Variants in EP300 observed in about 807,000 individuals in gnomAD.
EP300 encodes histone acetyltransferase p300.
A neutral mutation model predicts 264.0 loss-of-function variants in EP300; 31 were observed. The observed-to-expected ratio is 0.12, with a 90% CI of 0.09 to 0.16. EP300 has a LOEUF of 0.16. Among genes scored for constraint, EP300 ranks in the 10% least tolerant of loss-of-function variants. EP300 has a pLI of 1.00. For missense variants in EP300, 2,766 were observed against 3,052.9 expected, an observed-to-expected ratio of 0.91 and a Z score of 2.21; for synonymous variants, 1,340 against 1,045.4, an observed-to-expected ratio of 1.28 and a Z score of -5.44.
At chr22:41,174,416 AT>A (rs1306158891) in intron 29 of EP300, among the ~76,000 whole-genome samples, 1 of 152,236 alleles carries the variant, frequency 6.6e-6, no homozygotes, top group Non-Finnish European at 1.5e-5. Flanking sequence ...GTTTCAAAAA[AT>A]AAAAAGATTT....
intron 28 of EP300, 64 bp downstream of exon 28, chr22:41,172,727 C>T: frequency 1.3e-6 from 2 of 1,530,050 alleles, no homozygotes; most frequent in Non-Finnish European, 1.8e-6. Context: ...CAGAAGTGCA[C>T]TTAAACTTTC....
chr22:41,176,495 T>C lies in EP300; in HGVS notation c.5028T>C (p.His1676=), dbSNP rs747152661. 61 of 1,613,910 alleles carry C rather than the reference T, an allele frequency of 3.8e-5. No homozygotes were observed. The highest frequency in any genetic ancestry group is 3.3e-5 in the Admixed American group (2 of 60,000). The change falls in exon 30 of 31, where the codon CAT becomes CAC. Residue 1676 remains histidine, a synonymous_variant. Coordinates refer to ENST00000263253, the MANE Select transcript of EP300 (RefSeq NM_001429.4). The part of the protein sequence containing the change: ...FVYTCNECKH[H]VETRWHCTVC... ...ACACCTGCAATGAATGCAAGCACCA[T>C]GTGGAGACACGCTGGCACTGTACTG...
At chr22:41,106,005 C>G (rs563816556) in intron 1 of EP300, among the ~76,000 whole-genome samples, 5 of 152,204 alleles carry the variant, frequency 3.3e-5, no homozygotes, top group Admixed American at 3.3e-4. Flanking sequence ...TCTTAATGTT[C>G]CTTCAAATTA....
chr22:41,111,353 GTATAACCAGTCATCTT>G (rs1460551779), intron 1 of EP300, among the ~76,000 whole-genome samples: 1 of 152,076 alleles, frequency 6.6e-6, no homozygotes, highest in African/African-American at 2.4e-5. Context: ...TATATTTATG[GTATAACCAGTCATCTT>G]GCTAACCTCT....
rs2059215665 is a variant in EP300, at chr22:41,178,329, C to A, written c.6618C>A (p.Ala2206=). ...GAGPGIGPGM[A]NHNQFQQPQG... is the part of the protein sequence containing the mutation. ...GGCCAGGAATAGGCCCTGGAATGGC[C>A]AACCATAACCAGTTCCAGCAACCCC... The change falls in exon 31 of 31, where the codon GCC becomes GCA. Residue 2206 remains alanine (A), a synonymous_variant. Coordinates refer to ENST00000263253, the MANE Select transcript of EP300 (RefSeq NM_001429.4). The A allele has an allele frequency of 6.2e-6, 10 of 1,614,016 alleles. No individual in the cohort carries two copies. In the African/African-American group the frequency reaches 1.3e-4, roughly 22 times the overall value.
intron 28 of EP300, 134 bp from the exon 29 acceptor site, chr22:41,173,489 A>G: frequency 1.0e-6 from 1 of 955,158 alleles, no homozygotes; most frequent in Non-Finnish European, 1.6e-6. Flanking sequence ...GAATAAGTGA[A>G]GAGAACAGCT....
intron 27 of EP300, 138 bp downstream of exon 27, chr22:41,170,709 T>C: frequency 1.1e-6 from 1 of 939,436 alleles, no homozygotes; most frequent in Admixed American, 2.6e-5. Flanking sequence ...TCACGCAGGC[T>C]GGAGTGCAGT....
At position 41,117,740 on chromosome 22, in the gene EP300, C is replaced by T. The variant is rs1009703386; in HGVS notation, c.648C>T (p.Gly216=). ...QYPNPGMGSA[G]NLLTEPLQQG... ...CAAACCCAGGCATGGGAAGTGCTGG[C>T]AACTTACTGACTGAGCCTCTTCAGC... Residue 216 remains glycine (G), a synonymous_variant, in exon 2 of 31, where the codon GGC becomes GGT. Transcript: ENST00000263253. 1.7e-5 allele frequency: 28 copies of T among 1,614,214 alleles called. No individual in the cohort carries two copies. Among genetic ancestry groups the T allele is most frequent in the Non-Finnish European group, 2.3e-5 (27 of 1,180,032 alleles).
At chr22:41,170,295 T>C (rs2059162141) in intron 26 of EP300, 111 bp from the exon 27 acceptor site, 1 of 1,042,472 alleles carries the variant, frequency 9.6e-7, no homozygotes, top group Non-Finnish European at 1.4e-6. Flanking sequence ...CACTGTGTTA[T>C]CTTGGGAAAA....
chr22:41,098,895 A>G (rs1209715306), intron 1 of EP300, among the ~76,000 whole-genome samples: 1 of 151,988 alleles, frequency 6.6e-6, no homozygotes, highest in Non-Finnish European at 1.5e-5. Context: ...ATAGGAATCC[A>G]CCTTACTTAC....
chr22:41,110,117 G>GGCCCCC (rs1332250880), intron 1 of EP300, among the ~76,000 whole-genome samples: 1 of 65,514 alleles, frequency 1.5e-5, no homozygotes, highest in Non-Finnish European at 2.8e-5. Flanking sequence ...CCTGTTCCCT[G>GGCCCCC]CCCCCCCCCC....
intron 2 of EP300, among the ~76,000 whole-genome samples, chr22:41,121,471 A>T (rs1330372953): frequency 1.3e-5 from 2 of 152,162 alleles, no homozygotes; most frequent in African/African-American, 4.8e-5. Flanking sequence ...TCCTCAGCAG[A>T]TCTGTGTGGG....
At chr22:41,126,596 T>A (rs1426746776) in intron 3 of EP300, among the ~76,000 whole-genome samples, 1 of 152,088 alleles carries the variant, frequency 6.6e-6, no homozygotes, top group Non-Finnish European at 1.5e-5. Flanking sequence ...TCTGAAAAAA[T>A]CCTCTTTCAG....
intron 1 of EP300, among the ~76,000 whole-genome samples, chr22:41,114,827 A>G (rs1368619671): frequency 6.6e-6 from 1 of 151,584 alleles, no homozygotes; most frequent in African/African-American, 2.4e-5. Flanking sequence ...TTGGGAAGAA[A>G]AAAAAAAACT....
At position 41,140,140 on chromosome 22, in the gene EP300, C is replaced by T. The variant is rs760772299; in HGVS notation, c.1761C>T (p.Leu587=). ...CAGTGGTAGGATTTTCTTTTTCCAG[C>T]GTCCAAGCCATATTTCCTACGCCGG... ...QDLRNHLVHK[L]VQAIFPTPDP... is the part of the protein sequence containing the mutation. Residue 587 remains leucine (L), a splice_region_variant and synonymous_variant, in exon 9 of 31, where the codon CTC becomes CTT. Transcript: ENST00000263253. 3.7e-6 allele frequency: 6 copies of T among 1,609,290 alleles called. No individual in the cohort carries two copies. The highest frequency in any genetic ancestry group is 2.2e-5 in the South Asian group (2 of 90,966).
chr22:41,093,762 C>T (rs537328995), intron 1 of EP300, among the ~76,000 whole-genome samples: 68 of 152,242 alleles, frequency 4.5e-4, no homozygotes, highest in African/African-American at 1.6e-3. Context: ...ATGTCTGAAA[C>T]TCTGGGTTTT....
chr22:41,165,758 T>C (rs2059130667), intron 22 of EP300, among the ~76,000 whole-genome samples: 1 of 151,694 alleles, frequency 6.6e-6, no homozygotes, highest in South Asian at 2.1e-4. Context: ...TTTTTAATTT[T>C]TGTATTTTGT....
rs533858816 is a variant in EP300, at chr22:41,144,147, T to C, written c.2054-2592T>C. Among the ~76,000 whole-genome samples the C allele has an allele frequency of 2.6e-5, 4 of 152,320 alleles. No homozygotes were observed. The East Asian group carries it at 7.7e-4, about 29-fold the overall frequency. On this transcript the variant is annotated intron_variant, in intron 10 of 30. Transcript: ENST00000263253. ...TCTGAGTTTTTTTAAGTGTGGCATA[T>C]GCCCTAGAAAAAGTTCTGGAAGAAG...
intron 1 of EP300, among the ~76,000 whole-genome samples, chr22:41,115,869 T>C (rs557626610): frequency 1.7e-4 from 26 of 152,332 alleles, no homozygotes; most frequent in African/African-American, 6.3e-4. Context: ...GCAGGTACTA[T>C]ATAGGAACTT....
Sources: gnomAD v4.1 joint callset for allele counts (sites outside exome capture counted in the v4.1 genomes callset) on GRCh38, gnomAD v4.1.1 for gene constraint, MANE v1.5 for transcripts, NCBI Gene and HGNC (gene_info 2026-07-23, HGNC 2026-07-21) for gene names.